The following VAT1L variants were observed in gnomAD, a reference collection of about 807,000 sequenced individuals.
VAT1L encodes the protein putative NADPH-dependent quinone oxidoreductase VAT1L.
Under a neutral mutation model 44.1 loss-of-function variants are expected in VAT1L, and 34 were observed. The observed-to-expected ratio is 0.77, with a 90% CI of 0.59 to 1.03. The LOEUF is 1.03. VAT1L is among the 50% of genes least tolerant of loss of function. The pLI, the probability that VAT1L is intolerant of heterozygous loss-of-function variation, is 0.00. For missense variants in VAT1L, 615 were observed against 538.8 expected (o/e 1.14, Z -1.40); for synonymous variants, 253 against 202.2 (o/e 1.25, Z -2.13).
intron 3 of VAT1L, among the ~76,000 whole-genome samples, chr16:77,854,493 C>A (rs976618038): frequency 1.3e-5 from 2 of 152,118 alleles, no homozygotes; most frequent in African/African-American, 4.8e-5. Flanking sequence ...ACAGCGTGAT[C>A]TGAAAAAAAT....
At chr16:77,847,566 A>C (rs1343776915) in intron 3 of VAT1L, among the ~76,000 whole-genome samples, 1 of 152,218 alleles carries the variant, frequency 6.6e-6, no homozygotes, top group Non-Finnish European at 1.5e-5. Context: ...TCAAAAATGC[A>C]GTGTGACGTG....
At chr16:77,835,417 GT>G (rs1383727517) in intron 3 of VAT1L, among the ~76,000 whole-genome samples, 4 of 152,096 alleles carry the variant, frequency 2.6e-5, no homozygotes, top group African/African-American at 4.8e-5. Context: ...CCCTGTGGCT[GT>G]CCCAGCATCA....
At chr16:77,946,994 T>C (rs35369372) in intron 7 of VAT1L, among the ~76,000 whole-genome samples, 20,533 of 152,170 alleles carry the variant, frequency 0.13, 1,442 homozygotes, top group Middle Eastern at 0.22. Context: ...GAGCCTGTTT[T>C]TATCTCGTTA....
chr16:77,974,839 G>A (rs150959058), intron 8 of VAT1L, among the ~76,000 whole-genome samples: 1 of 152,216 alleles, frequency 6.6e-6, no homozygotes, highest in Non-Finnish European at 1.5e-5. Context: ...AAAGAGCTGG[G>A]ATTATAGACA....
At chr16:77,806,634 C>T (rs1427562583) in intron 1 of VAT1L, among the ~76,000 whole-genome samples, 2 of 152,246 alleles carry the variant, frequency 1.3e-5, no homozygotes, top group Admixed American at 6.5e-5. Context: ...TGAGCCACCG[C>T]GCCCAGGCTG....
intron 7 of VAT1L, among the ~76,000 whole-genome samples, chr16:77,917,059 G>A (rs1202124606): frequency 1.3e-5 from 2 of 152,092 alleles, no homozygotes; most frequent in Non-Finnish European, 2.9e-5. Context: ...TTAGATAAGA[G>A]ATATTGTTGA....
chr16:77,900,118 C>T (rs981036336), intron 7 of VAT1L, among the ~76,000 whole-genome samples: 1 of 152,112 alleles, frequency 6.6e-6, no homozygotes, highest in African/African-American at 2.4e-5. Flanking sequence ...CATAGTAAAA[C>T]CACAGAGATA....
intron 1 of VAT1L, among the ~76,000 whole-genome samples, chr16:77,792,275 T>C (rs2015848831): frequency 6.6e-6 from 1 of 152,278 alleles, no homozygotes; most frequent in African/African-American, 2.4e-5. Context: ...GTATATAATA[T>C]AGGCAATATC....
At chr16:77,913,228 T>C (rs754581267) in intron 7 of VAT1L, among the ~76,000 whole-genome samples, 6 of 152,200 alleles carry the variant, frequency 3.9e-5, no homozygotes, top group Non-Finnish European at 8.8e-5. Context: ...AAACGTACTG[T>C]CTTAAATTTT....
chr16:77,848,816 T>C (rs2434854), intron 3 of VAT1L, among the ~76,000 whole-genome samples: 91,990 of 151,808 alleles, frequency 0.61, 28,475 homozygotes, highest in East Asian at 0.73. Context: ...ATAGACTGGA[T>C]AAATAAAATG....
chr16:77,942,799 C>T (rs778389069), intron 7 of VAT1L, among the ~76,000 whole-genome samples: 3 of 152,068 alleles, frequency 2.0e-5, no homozygotes, highest in Non-Finnish European at 4.4e-5. Flanking sequence ...GGCTAGAGTG[C>T]AGTGGCACAA....
intron 3 of VAT1L, among the ~76,000 whole-genome samples, chr16:77,838,973 A>C (rs2016671661): frequency 2.0e-5 from 3 of 151,542 alleles, no homozygotes; most frequent in South Asian, 2.1e-4. Flanking sequence ...TAGTGAGCAA[A>C]CTCAGGTCTC....
At chr16:77,848,354 A>C (rs894528109) in intron 3 of VAT1L, among the ~76,000 whole-genome samples, 4 of 152,184 alleles carry the variant, frequency 2.6e-5, no homozygotes, top group African/African-American at 9.7e-5. Flanking sequence ...GGATGACTCA[A>C]GGACATTTTA....
chr16:77,829,437 A>G (rs548148688), intron 3 of VAT1L, among the ~76,000 whole-genome samples: 2 of 152,354 alleles, frequency 1.3e-5, no homozygotes, highest in East Asian at 3.9e-4. Context: ...TACCAAACTT[A>G]GCTATGGTTT....
intron 3 of VAT1L, among the ~76,000 whole-genome samples, chr16:77,846,312 G>C (rs969736742): frequency 5.3e-5 from 8 of 152,128 alleles, no homozygotes; most frequent in African/African-American, 1.9e-4. Context: ...GCCCCCAGCA[G>C]GTTCCGCTTG....
At chr16:77,821,342 C>T (rs552838421) in intron 2 of VAT1L, among the ~76,000 whole-genome samples, 2 of 151,236 alleles carry the variant, frequency 1.3e-5, no homozygotes, top group African/African-American at 4.9e-5. Flanking sequence ...ACTCTGTTGC[C>T]CAGGCTGAAG....
chr16:77,913,362 C>G (rs1017561118), intron 7 of VAT1L, among the ~76,000 whole-genome samples: 14 of 151,606 alleles, frequency 9.2e-5, no homozygotes, highest in Non-Finnish European at 2.1e-4. Flanking sequence ...GTCTCTAATT[C>G]TTTCCTTCTA....
intron 7 of VAT1L, among the ~76,000 whole-genome samples, chr16:77,937,782 A>G (rs7195268): frequency 0.64 from 96,812 of 152,058 alleles, 30,874 homozygotes; most frequent in Non-Finnish European, 0.66. Context: ...AGGCGAGTTG[A>G]ATCCCTTGAA....
At chr16:77,894,874 T>C (rs2017305739) in intron 7 of VAT1L, among the ~76,000 whole-genome samples, 2 of 152,114 alleles carry the variant, frequency 1.3e-5, no homozygotes, top group Admixed American at 6.5e-5. Context: ...TTAGAATCTC[T>C]GGATCCCTGG....
Sources: gnomAD v4.1 joint callset for allele counts (sites outside exome capture counted in the v4.1 genomes callset) on GRCh38, gnomAD v4.1.1 for gene constraint, MANE v1.5 for transcripts, NCBI Gene and HGNC (gene_info 2026-07-23, HGNC 2026-07-21) for gene names.